ZNF114: variants seen among roughly 807,000 people sequenced by gnomAD.
ZNF114 encodes zinc finger protein 114 (Y18).
A neutral mutation model predicts 6.8 loss-of-function variants in ZNF114; 8 were observed. The ratio of observed to expected loss-of-function variants is 1.18; its 90% CI spans 0.69 to 2.13. The LOEUF (loss-of-function observed/expected upper bound fraction) is 2.13, where lower values mean the gene tolerates loss of function less well. ZNF114 is among the 30% of genes most tolerant of loss of function. ZNF114 has a pLI of 0.00. For missense variants in ZNF114, 472 were observed against 519.5 expected (o/e 0.91, Z 0.89); for synonymous variants, 169 against 185.5 (o/e 0.91, Z 0.72).
chr19:48,282,806 A>G (rs1968027235), intron 5 of ZNF114, among the ~76,000 whole-genome samples: 1 of 151,122 alleles, frequency 6.6e-6, no homozygotes, highest in African/African-American at 2.4e-5. Flanking sequence ...TCCACCCCCC[A>G]GGTTCATGCA....
At chr19:48,285,706 C>G (rs1968103136) in intron 5 of ZNF114, 55 bp from the exon 6 acceptor site, 1 of 1,544,832 alleles carries the variant, frequency 6.5e-7, no homozygotes, top group East Asian at 2.3e-5. Context: ...GTCATCATCT[C>G]TAACCCACCT....
chr19:48,278,033 C>G (rs1013134875), intron 3 of ZNF114, among the ~76,000 whole-genome samples: 19 of 152,154 alleles, frequency 1.2e-4, no homozygotes, highest in African/African-American at 3.1e-4. Context: ...CTCCCAGATT[C>G]AAGTGATTCT....
chr19:48,272,015 C>T (rs2161098), intron 3 of ZNF114, among the ~76,000 whole-genome samples, 187 bp downstream of exon 3: 1 of 152,114 alleles, frequency 6.6e-6, no homozygotes, highest in African/African-American at 2.4e-5. Flanking sequence ...GCGCTTCCCC[C>T]ATACCGTGCT....
rs749632379 is a variant in ZNF114 at position 48,285,805 on chromosome 19, G to A, written c.181G>A (p.Asp61Asn). 4.4e-5 allele frequency: 71 copies of A among 1,613,548 alleles called. No homozygotes were observed. Among genetic ancestry groups the A allele is most frequent in the Non-Finnish European group, 5.8e-5 (68 of 1,179,954 alleles). The change falls in exon 6 of 6, where the codon GAT becomes AAT. Residue 61 changes from aspartate (D) to asparagine (N), a missense_variant. By Grantham distance (23) the Asp-to-Asn change is conservative. Transcript: ENST00000595607. The part of the protein sequence containing the change: ...CKTKDATPQP[D>N]ILPKRTFPEA... ...AACCAAAGACGCAACCCCTCAGCCGGATATTCTTCCTAAAAGAACATTTCC... is the reference window on the plus strand; with the variant it reads ...AACCAAAGACGCAACCCCTCAGCCGAATATTCTTCCTAAAAGAACATTTCC...
chr19:48,275,642 C>T (rs1453843764), intron 3 of ZNF114, among the ~76,000 whole-genome samples: 1 of 151,614 alleles, frequency 6.6e-6, no homozygotes, highest in African/African-American at 2.4e-5. Context: ...AAAATTTAAA[C>T]AAAATAAAAA....
chr19:48,280,735 T>G (rs8107075), intron 4 of ZNF114, among the ~76,000 whole-genome samples: 2,463 of 151,934 alleles, frequency 0.016, 60 homozygotes, highest in African/African-American at 0.056. Flanking sequence ...GTATTTTTAG[T>G]TGAGATGGGG....
intron 3 of ZNF114, among the ~76,000 whole-genome samples, chr19:48,277,209 G>A (rs34290123): frequency 0.056 from 8,444 of 151,988 alleles, 495 homozygotes; most frequent in African/African-American, 0.15. Context: ...TTAGCTGGGC[G>A]TGGTGGCAGG....
At position 48,286,357 on chromosome 19, in the gene ZNF114, G is replaced by C; in HGVS notation, c.733G>C (p.Glu245Gln). 1 of 1,614,184 alleles carries C rather than the reference G, an allele frequency of 6.2e-7. No individual in the cohort carries two copies. Among genetic ancestry groups the C allele is most frequent in the Non-Finnish European group, 8.5e-7 (1 of 1,180,040 alleles). ...SLRAHNTHGR[E>Q]KMYDFTQCEN... The stretch of plus-strand genomic sequence containing the variant: ...TAGGGCACACAACACTCATGGTCGA[G>C]AGAAAATGTATGATTTTACTCAGTG... Residue 245 changes from glutamate (E) to glutamine (Q), a missense_variant, in exon 6 of 6, where the codon GAG becomes CAG. Coordinates refer to ENST00000595607, the MANE Select transcript of ZNF114 (RefSeq NM_153608.4).
chr19:48,281,576 G>T (rs1600843834), intron 4 of ZNF114: 2 of 150,326 alleles, frequency 1.3e-5, no homozygotes, highest in Non-Finnish European at 1.5e-5. Context: ...GCCCAGGCTG[G>T]ACTGCAGTGG....
intron 3 of ZNF114, 72 bp from the exon 4 acceptor site, chr19:48,279,659 C>T: frequency 9.6e-7 from 1 of 1,045,300 alleles, no homozygotes; most frequent in East Asian, 2.5e-5. Flanking sequence ...AGATTAATGT[C>T]AGGCAGGATC....
chr19:48,281,429 C>G (rs558227224), intron 4 of ZNF114: 1 of 152,166 alleles, frequency 6.6e-6, no homozygotes, highest in South Asian at 2.1e-4. Context: ...GGACCCATCA[C>G]TCCAGTCTCT....
chr19:48,273,631 A>G (rs1388288779), intron 3 of ZNF114, among the ~76,000 whole-genome samples: 3 of 151,954 alleles, frequency 2.0e-5, no homozygotes, highest in African/African-American at 4.8e-5. Flanking sequence ...CTTGGGAACT[A>G]TAAGGTCAAG....
intron 3 of ZNF114, among the ~76,000 whole-genome samples, chr19:48,273,129 C>T (rs1413300387): frequency 6.6e-6 from 1 of 152,116 alleles, no homozygotes; most frequent in Non-Finnish European, 1.5e-5. Flanking sequence ...GTTCCGTGTG[C>T]TGAACATGGT....
intron 3 of ZNF114, among the ~76,000 whole-genome samples, chr19:48,272,680 A>AAAAAAAAAAAAAAAAAAAAAC (rs1967699805): frequency 7.1e-6 from 1 of 141,372 alleles, no homozygotes; most frequent in Non-Finnish European, 1.5e-5. Context: ...TCTCAAAAAA[A>AAAAAAAAAAAAAAAAAAAAAC]AAAAAAAAAA....
intron 3 of ZNF114, among the ~76,000 whole-genome samples, chr19:48,273,895 C>T (rs1967751413): frequency 6.6e-6 from 1 of 151,288 alleles, no homozygotes; most frequent in South Asian, 2.1e-4. Flanking sequence ...GTAGCTGGGA[C>T]TACAGGCGCC....
chr19:48,275,854 C>T (rs1053503297), intron 3 of ZNF114, among the ~76,000 whole-genome samples: 27 of 150,494 alleles, frequency 1.8e-4, no homozygotes, highest in Admixed American at 1.5e-3. Flanking sequence ...CAGTGGCGGG[C>T]GCCTGTAGTC....
At chr19:48,273,511 GA>G (rs1967734653) in intron 3 of ZNF114, among the ~76,000 whole-genome samples, 1 of 151,792 alleles carries the variant, frequency 6.6e-6, no homozygotes, top group East Asian at 1.9e-4. Flanking sequence ...TTGTATTGGG[GA>G]AAGGACGGAA....
At chr19:48,285,179 C>G (rs972358445) in intron 5 of ZNF114, among the ~76,000 whole-genome samples, 5 of 152,134 alleles carry the variant, frequency 3.3e-5, no homozygotes, top group African/African-American at 7.2e-5. Flanking sequence ...TTTTATCATA[C>G]ATGTTGAGTG....
chr19:48,283,636 C>T (rs1272556298), intron 5 of ZNF114, among the ~76,000 whole-genome samples: 3 of 152,044 alleles, frequency 2.0e-5, no homozygotes, highest in Admixed American at 1.3e-4. Context: ...GCAGGGTTTG[C>T]AACAGAGAAA....
Sources: allele counts gnomAD v4.1 joint callset (sites outside exome capture counted in the v4.1 genomes callset), GRCh38; gene constraint gnomAD v4.1.1; transcripts MANE v1.5; gene names NCBI Gene and HGNC (gene_info 2026-07-23, HGNC 2026-07-21).